USPL1: variants seen among roughly 807,000 people sequenced by gnomAD.
The protein encoded by USPL1 is SUMO-specific isopeptidase USPL1.
A neutral mutation model predicts 51.5 loss-of-function variants in USPL1; 27 were observed. That is an observed-to-expected ratio of 0.52 (90% CI 0.39 to 0.72). USPL1 has a LOEUF of 0.72. USPL1 is among the 30% of genes least tolerant of loss of function. The pLI is 0.00. For synonymous variants in USPL1, 451 were observed against 459.6 expected (o/e 0.98, Z 0.24); for missense variants, 1,226 against 1,268.0 (o/e 0.97, Z 0.50).
Position 30,659,150 on chromosome 13 carries a change from A to G in USPL1, c.3073A>G (p.Asn1025Asp). 1 of 1,614,166 alleles carries G rather than the reference A, an allele frequency of 6.2e-7. No homozygotes were observed. Among genetic ancestry groups the G allele is most frequent in the Non-Finnish European group, 8.5e-7 (1 of 1,180,026 alleles). ...SQNTHLRQDH[N>D]YCSPTKKNPC... is the part of the protein sequence containing the mutation. ...GAACACACATCTGAGACAGGACCAT[A>G]ATTATTGTAGCCCCACCAAGAAAAA... is the stretch of plus-strand genomic sequence containing the variant. The change falls in exon 9 of 9, where the codon AAT (asparagine) becomes GAT (aspartate). Residue 1025 changes from asparagine (N) to aspartate (D), a missense_variant. Coordinates refer to ENST00000255304, the MANE Select transcript of USPL1 (RefSeq NM_005800.5).
Position 30,658,590 on chromosome 13 carries a change from C to T in USPL1, c.2513C>T (p.Thr838Ile), listed in dbSNP as rs1951205223. 1 of 1,614,112 alleles carries T rather than the reference C, an allele frequency of 6.2e-7. No homozygotes were observed. Among genetic ancestry groups the T allele is most frequent in the Admixed American group, 1.7e-5 (1 of 60,014 alleles). The stretch of plus-strand genomic sequence containing the variant: ...GCAGGCCCTCCATCGTCTAATGGCA[C>T]AGCTGCCCACCCACATGCTCATGCT... ...PPAGPPSSNG[T>I]AAHPHAHAAS... The change falls in exon 9 of 9, where the codon ACA becomes ATA. Residue 838 changes from threonine (T) to isoleucine (I), a missense_variant. Coordinates refer to ENST00000255304, the MANE Select transcript of USPL1 (RefSeq NM_005800.5).
At chr13:30,638,992 C>T (rs962134319) in intron 5 of USPL1, among the ~76,000 whole-genome samples, 3 of 151,228 alleles carry the variant, frequency 2.0e-5, no homozygotes, top group African/African-American at 7.3e-5. Context: ...CCAAGGCAGG[C>T]GTATCACAAG....
rs1417289623 is a variant in USPL1 at position 30,658,788 on chromosome 13, C to T, written c.2711C>T (p.Ala904Val). Residue 904 changes from alanine to valine, a missense_variant, in exon 9 of 9, where the codon GCT (alanine) becomes GTT (valine). Transcript: ENST00000255304. ...CTAAAGGCAGAAAAGAAGAAATTAG[C>T]TGCTCTTATGTCTTCCCCGCAAAGC... ...KKLKAEKKKL[A>V]ALMSSPQSRT... 6.2e-7 allele frequency: 1 copy of T among 1,614,086 alleles called. No individual in the cohort carries two copies. Among genetic ancestry groups the T allele is most frequent in the South Asian group, 1.1e-5 (1 of 91,080 alleles).
chr13:30,640,454 C>G (rs986150518), intron 5 of USPL1, among the ~76,000 whole-genome samples: 4 of 152,136 alleles, frequency 2.6e-5, no homozygotes, highest in Non-Finnish European at 4.4e-5. Flanking sequence ...CTTTGGGAGG[C>G]CGAGGCGGGT....
chr13:30,624,454 A>C (rs1407845476), intron 3 of USPL1, among the ~76,000 whole-genome samples: 2 of 152,100 alleles, frequency 1.3e-5, no homozygotes, highest in Non-Finnish European at 2.9e-5. Flanking sequence ...GTCTCTACAA[A>C]AAAAAAAATT....
Position 30,660,322 on chromosome 13 carries a change from C to T in USPL1, c.*966C>T, listed in dbSNP as rs1951242383. On this transcript the variant is annotated 3_prime_UTR_variant, in exon 9 of 9. Coordinates refer to ENST00000255304, the MANE Select transcript of USPL1 (RefSeq NM_005800.5). ...TCCAGGCTTACCCCCCTGCTTTGAT[C>T]TGAGAGCTGGTGCCAATAGCAGGGA... The T allele has an allele frequency of 6.6e-6, 1 of 152,292 alleles. No individual in the cohort carries two copies. Among genetic ancestry groups the T allele is most frequent in the Non-Finnish European group, 1.5e-5 (1 of 68,094 alleles). The allele number at this position is 152,292 out of a possible 1,614,324, so 9.4% of individuals were successfully genotyped here. A position where few individuals can be genotyped will look rare whatever the true frequency, so the allele number is the denominator to read the frequency against.
Position 30,653,274 on chromosome 13 carries a change from T to C in USPL1, c.1365T>C (p.Asn455=). The C allele has an allele frequency of 6.2e-7, 1 of 1,606,794 alleles. No homozygotes were observed. Among genetic ancestry groups the C allele is most frequent in the Non-Finnish European group, 8.5e-7 (1 of 1,174,970 alleles). ...ITSVIQYRAN[N]HFITWILDAD... ...CTGTAATTCAGTATCGAGCAAATAATCATTTTATAACATGGATTTTAGATG... is the reference window on the plus strand; with the variant it reads ...CTGTAATTCAGTATCGAGCAAATAACCATTTTATAACATGGATTTTAGATG... Residue 455 remains asparagine (N), a synonymous_variant, in exon 8 of 9, where the codon AAT becomes AAC. Transcript: ENST00000255304.
In USPL1 at chr13:30,658,055, A is replaced by G. The variant is rs779595874; in HGVS notation, c.1978A>G (p.Asn660Asp). 1 of 1,613,028 alleles carries G rather than the reference A, an allele frequency of 6.2e-7. No homozygotes were observed. Among genetic ancestry groups the G allele is most frequent in the African/African-American group, 1.3e-5 (1 of 74,892 alleles). Residue 660 changes from asparagine (N) to aspartate (D), a missense_variant, in exon 9 of 9, where the codon AAT (asparagine) becomes GAT (aspartate). By Grantham distance (23) the Asn-to-Asp change is conservative. Transcript: ENST00000255304. ...CATAAGTTTTCCATCCCAAGTTGTA[A>G]ATACAAACATGCAGTCAGTACAGCT... Reference protein sequence around the residue: ...VDISFPSQVVNTNMQSVQLNT... With the variant: ...VDISFPSQVVDTNMQSVQLNT...
At position 30,658,917 on chromosome 13, in the gene USPL1, A is replaced by G. The variant is rs772849961; in HGVS notation, c.2840A>G (p.Asp947Gly). The change falls in exon 9 of 9, where the codon GAT becomes GGT. Residue 947 changes from aspartate to glycine, a missense_variant. By Grantham distance (94) the Asp-to-Gly change is moderately conservative. Coordinates refer to ENST00000255304, the MANE Select transcript of USPL1 (RefSeq NM_005800.5). ...DLLNELPYPI[D>G]IASESACTTV... The stretch of plus-strand genomic sequence containing the variant: ...TTAAATGAGCTACCATATCCAATTG[A>G]TATTGCCAGTGAGTCTGCATGCACC... The G allele has an allele frequency of 1.9e-6, 3 of 1,614,182 alleles. No homozygotes were observed. In the South Asian group the frequency reaches 3.3e-5, roughly 18 times the overall value.
intron 4 of USPL1, among the ~76,000 whole-genome samples, chr13:30,632,868 A>G (rs910582205): frequency 2.0e-5 from 3 of 152,214 alleles, no homozygotes; most frequent in African/African-American, 7.2e-5. Context: ...TCTTGGCACA[A>G]TAAGGGATAT....
At position 30,658,112 on chromosome 13, in the gene USPL1, G is replaced by C. The variant is rs1420939291; in HGVS notation, c.2035G>C (p.Val679Leu). 1 of 1,613,584 alleles carries C rather than the reference G, an allele frequency of 6.2e-7. No homozygotes were observed. The highest frequency in any genetic ancestry group is 8.5e-7 in the Non-Finnish European group (1 of 1,179,994). Residue 679 changes from valine (V) to leucine (L), a missense_variant, in exon 9 of 9, where the codon GTG becomes CTG. Val to Leu is a conservative substitution (Grantham distance 32). Coordinates refer to ENST00000255304, the MANE Select transcript of USPL1 (RefSeq NM_005800.5). ...AGAAGATACTGTAAATACTAAATCT[G>C]TGAATAATACTGATGCTACTGGTCT... ...NTEDTVNTKS[V>L]NNTDATGLIQ...
At chr13:30,644,414 G>GT (rs66467745) in intron 6 of USPL1, among the ~76,000 whole-genome samples, 81,135 of 149,874 alleles carry the variant, frequency 0.54, 24,629 homozygotes, top group African/African-American at 0.83. Context: ...CAAAGGTTTT[G>GT]TTTTTTTTTT....
At chr13:30,629,006 A>G (rs991522599) in intron 3 of USPL1, among the ~76,000 whole-genome samples, 1 of 152,178 alleles carries the variant, frequency 6.6e-6, no homozygotes, top group African/African-American at 2.4e-5. Context: ...CATCATGTTG[A>G]CAGGTTGTTA....
chr13:30,638,003 C>A, intron 5 of USPL1, 146 bp downstream of exon 5: 1 of 694,732 alleles, frequency 1.4e-6, no homozygotes, highest in Non-Finnish European at 2.4e-6. Flanking sequence ...TAGGAATCTA[C>A]CACTGGGTAA....
At chr13:30,651,914 C>A (rs753152476) in intron 7 of USPL1, among the ~76,000 whole-genome samples, 38 of 151,962 alleles carry the variant, frequency 2.5e-4, no homozygotes, top group South Asian at 6.2e-4. Flanking sequence ...TGAGATTGCA[C>A]CACTGCACTC....
Position 30,653,448 on chromosome 13 carries a change from C to T in USPL1, c.1396+143C>T, listed in dbSNP as rs77597945. On this transcript the variant is annotated intron_variant, in intron 8 of 8. Transcript: ENST00000255304. ...TCTCCATTCTCGCCTTTGCCTTCTG[C>T]CCCTCCTCGCATCTATTAAAAGTGA... 2,469 of 779,434 alleles carry T rather than the reference C, an allele frequency of 3.2e-3. 54 individuals are homozygous for T. In the East Asian group the frequency reaches 0.036, roughly 11 times the overall value. 48.3% of individuals were successfully genotyped at this position (779,434 alleles called of 1,614,324 possible). A position where few individuals can be genotyped will look rare whatever the true frequency, so the allele number is the denominator to read the frequency against.
At chr13:30,652,779 T>C (rs562709808) in intron 7 of USPL1, among the ~76,000 whole-genome samples, 2 of 152,362 alleles carry the variant, frequency 1.3e-5, no homozygotes, top group Non-Finnish European at 1.5e-5. Flanking sequence ...CAGCACTTGA[T>C]GCCAAAGAAA....
intron 3 of USPL1, among the ~76,000 whole-genome samples, chr13:30,622,573 T>A (rs556352349): frequency 1.3e-4 from 20 of 152,360 alleles, no homozygotes; most frequent in African/African-American, 4.6e-4. Flanking sequence ...CATAAGATCC[T>A]GATACAGTGG....
intron 5 of USPL1, 44 bp from the exon 6 acceptor site, chr13:30,642,584 C>T: frequency 2.5e-6 from 4 of 1,584,056 alleles, no homozygotes; most frequent in Non-Finnish European, 1.7e-6. Context: ...TTAGTTTTTG[C>T]CATTATTGAT....
Sources: allele counts gnomAD v4.1 joint callset (sites outside exome capture counted in the v4.1 genomes callset), GRCh38; gene constraint gnomAD v4.1.1; transcripts MANE v1.5; gene names NCBI Gene and HGNC (gene_info 2026-07-23, HGNC 2026-07-21).